Variants in PCDHGB1 observed in about 807,000 individuals in gnomAD.
PCDHGB1 encodes the protein protocadherin gamma-B1.
In PCDHGB1, 34 loss-of-function variants were observed where a neutral mutation model predicts 56.6. The observed-to-expected ratio is 0.60, with a 90% CI of 0.46 to 0.80. PCDHGB1 has a LOEUF of 0.80. PCDHGB1 is among the 30% of genes least tolerant of loss of function. The probability of loss-of-function intolerance (pLI) is 0.00; values close to 1 mark genes in which losing one functional copy is unlikely to be tolerated. For missense variants in PCDHGB1, 1,278 were observed against 1,204.6 expected, an observed-to-expected ratio of 1.06 and a Z score of -0.90; for synonymous variants, 561 against 505.9, an observed-to-expected ratio of 1.11 and a Z score of -1.46.
intron 1 of PCDHGB1, chr5:141,389,477 G>C (rs761615943): frequency 1.9e-6 from 3 of 1,613,174 alleles, no homozygotes; most frequent in Non-Finnish European, 2.5e-6. Flanking sequence ...TCACACTGCA[G>C]GCCCGCGACC....
intron 1 of PCDHGB1, chr5:141,409,794 C>T (rs1345529657): frequency 1.9e-6 from 3 of 1,611,732 alleles, no homozygotes; most frequent in South Asian, 1.1e-5. Flanking sequence ...TTCGCGCTCA[C>T]GCTGCAGGCC....
chr5:141,480,265 A>G (rs1041908141), intron 1 of PCDHGB1, among the ~76,000 whole-genome samples: 2 of 151,784 alleles, frequency 1.3e-5, no homozygotes, highest in African/African-American at 2.4e-5. Context: ...ATGTGTTTTC[A>G]TTAGCTGGGT....
rs186288044 is a variant in PCDHGB1, at chr5:141,433,652, A to G, written c.2410-61155A>G. On this transcript the variant is annotated intron_variant, in intron 1 of 3. Transcript: ENST00000523390. ...GGAGTTTGAGACCAGCCTGACCAAC[A>G]TGGAGAAACCCCGTCTATACTAAAA... is the stretch of plus-strand genomic sequence containing the variant. 1.0e-2 allele frequency among the ~76,000 whole-genome samples: 1,520 copies of G among 152,208 alleles called. 33 individuals are homozygous for G. The highest frequency in any genetic ancestry group is 0.034 in the African/African-American group (1,423 of 41,538).
chr5:141,474,563 A>G lies in PCDHGB1; in HGVS notation c.2410-20244A>G, dbSNP rs143794984. 1.4e-3 allele frequency among the ~76,000 whole-genome samples: 210 copies of G among 152,332 alleles called. 2 individuals are homozygous for G. The highest frequency in any genetic ancestry group is 5.0e-3 in the African/African-American group (207 of 41,572). ...TGAGCATTTAAAACTGGGGGTTTTC[A>G]GAGATTAATTGAAGTGTTAAAGACA... On this transcript the variant is annotated intron_variant, in intron 1 of 3. Coordinates refer to ENST00000523390, the MANE Select transcript of PCDHGB1 (RefSeq NM_018922.3).
intron 2 of PCDHGB1, among the ~76,000 whole-genome samples, chr5:141,495,922 C>G (rs1263216717): frequency 6.6e-6 from 1 of 152,100 alleles, no homozygotes; most frequent in Non-Finnish European, 1.5e-5. Context: ...CTTTCTTTGT[C>G]TCTGTCTCTG....
Position 141,478,335 on chromosome 5 carries a change from C to T in PCDHGB1, c.2410-16472C>T, listed in dbSNP as rs202213361. On this transcript the variant is annotated intron_variant, in intron 1 of 3. Coordinates refer to ENST00000523390, the MANE Select transcript of PCDHGB1 (RefSeq NM_018922.3). ...AGCTCACTGTACCGAACACCAGGGC[C>T]CTCCTTGCACGCGGACGCCGTGCGG... 4.7e-5 allele frequency: 76 copies of T among 1,613,822 alleles called. No individual in the cohort carries two copies. The highest frequency in any genetic ancestry group is 6.1e-5 in the Non-Finnish European group (72 of 1,180,028).
At chr5:141,500,369 C>T (rs1034629981) in intron 2 of PCDHGB1, among the ~76,000 whole-genome samples, 4 of 151,866 alleles carry the variant, frequency 2.6e-5, no homozygotes, top group Admixed American at 6.6e-5. Flanking sequence ...CTACCACGCC[C>T]GGCTAATTAT....
intron 1 of PCDHGB1, chr5:141,403,174 T>C: frequency 1.9e-6 from 3 of 1,614,000 alleles, no homozygotes; most frequent in Non-Finnish European, 2.5e-6. Context: ...GGACGCAGCT[T>C]TTCTCTCTGA....
In PCDHGB1 at chr5:141,415,753, T is replaced by G. The variant is rs763784703; in HGVS notation, c.2409+63084T>G. On this transcript the variant is annotated intron_variant, in intron 1 of 3. Transcript: ENST00000523390. The stretch of plus-strand genomic sequence containing the variant: ...ATGTTTATTAAGGTTTTTTTTTTTT[T>G]TTTTTTTTTTTTTTTTTTTACTTTC... 6.3e-5 allele frequency: 87 copies of G among 1,381,374 alleles called. 1 individual carries two copies. The highest frequency in any genetic ancestry group is 3.3e-4 in the Admixed American group (10 of 29,906). 85.6% of individuals were successfully genotyped at this position (1,381,374 alleles called of 1,614,324 possible).
Position 141,399,689 on chromosome 5 carries a change from T to C in PCDHGB1, c.2409+47020T>C, listed in dbSNP as rs199516491. 502 of 1,613,550 alleles carry C rather than the reference T, an allele frequency of 3.1e-4. 1 individual carries two copies. Among genetic ancestry groups the C allele is most frequent in the Non-Finnish European group, 3.8e-4 (448 of 1,179,874 alleles). On this transcript the variant is annotated intron_variant, in intron 1 of 3. Transcript: ENST00000523390. ...CAGCGCGCCTTTGACTACGAGCAGC[T>C]GCGCACCTTCGAACTCACACTACAG...
intron 1 of PCDHGB1, chr5:141,421,364 T>C (rs975166167): frequency 3.7e-6 from 6 of 1,613,994 alleles, no homozygotes; most frequent in African/African-American, 1.3e-5. Context: ...GGCTCCTTCG[T>C]GGGCAATATC....
intron 1 of PCDHGB1, chr5:141,360,147 C>T (rs1381094393): frequency 7.5e-6 from 12 of 1,600,974 alleles, no homozygotes; most frequent in Non-Finnish European, 1.0e-5. Flanking sequence ...TGAAAGCGAG[C>T]TCAGGGAGGT....
intron 1 of PCDHGB1, chr5:141,362,448 C>G (rs1370790602): frequency 1.2e-6 from 2 of 1,613,916 alleles, no homozygotes; most frequent in Non-Finnish European, 1.7e-6. Context: ...TGAACATAAC[C>G]CCGGAATTGG....
chr5:141,405,238 C>T, intron 1 of PCDHGB1: 1 of 1,614,168 alleles, frequency 6.2e-7, no homozygotes, highest in African/African-American at 1.3e-5. Flanking sequence ...TCACCGCTGA[C>T]TCAAGGAAGA....
intron 1 of PCDHGB1, among the ~76,000 whole-genome samples, chr5:141,451,719 TA>T (rs2098722539): frequency 6.6e-6 from 1 of 152,016 alleles, no homozygotes; most frequent in Non-Finnish European, 1.5e-5. Flanking sequence ...CTGCCTCTAC[TA>T]AAAATACAAA....
Position 141,384,659 on chromosome 5 carries a change from T to A in PCDHGB1, c.2409+31990T>A, listed in dbSNP as rs375759581. ...CCCCGCTCCGCAGAGCCCGGCTACC[T>A]GGTGACCAAGGTGGTGGCGGTGGAC... is the stretch of plus-strand genomic sequence containing the variant. On this transcript the variant is annotated intron_variant, in intron 1 of 3. Transcript: ENST00000523390. The A allele has an allele frequency of 3.1e-6, 5 of 1,614,076 alleles. No individual in the cohort carries two copies. In the African/African-American group the frequency reaches 6.7e-5, roughly 22 times the overall value.
In PCDHGB1 at chr5:141,352,378, G is replaced by A. The variant is rs2149768920; in HGVS notation, c.2118G>A (p.Ala706=). The A allele has an allele frequency of 6.2e-7, 1 of 1,614,008 alleles. No homozygotes were observed. Among genetic ancestry groups the A allele is most frequent in the Non-Finnish European group, 8.5e-7 (1 of 1,179,902 alleles). ...TCTTTCTCCTCGCGGTGATTCTAGC[G>A]ATCGCCCTGCGCCTGCGACGTTCCT... ...SVLFLLAVIL[A]IALRLRRSSS... The change falls in exon 1 of 4, where the codon GCG becomes GCA. Residue 706 remains alanine, a synonymous_variant. Coordinates refer to ENST00000523390, the MANE Select transcript of PCDHGB1 (RefSeq NM_018922.3).
rs1280923293 is a variant in PCDHGB1 at position 141,478,837 on chromosome 5, G to A, written c.2410-15970G>A. ...AACTAACCAATCTTGCTAAGGGATG[G>A]TTAAGCTAAAACACAAGATCTCAGC... is the stretch of plus-strand genomic sequence containing the variant. On this transcript the variant is annotated intron_variant, in intron 1 of 3. Transcript: ENST00000523390. 3.5e-6 allele frequency: 5 copies of A among 1,428,112 alleles called. No homozygotes were observed. The African/African-American group carries it at 5.8e-5, about 16-fold the overall frequency. The allele number at this position is 1,428,112 out of a possible 1,614,324, so 88.5% of individuals were successfully genotyped here.
intron 1 of PCDHGB1, chr5:141,356,243 C>G: frequency 6.3e-7 from 1 of 1,581,974 alleles, no homozygotes; most frequent in Non-Finnish European, 8.6e-7. Context: ...CCAGAAGTCA[C>G]AGTTACATCT....
Sources: gnomAD v4.1 joint callset for allele counts (sites outside exome capture counted in the v4.1 genomes callset) on GRCh38, gnomAD v4.1.1 for gene constraint, MANE v1.5 for transcripts, NCBI Gene and HGNC (gene_info 2026-07-23, HGNC 2026-07-21) for gene names.